POU2F3: variants seen among roughly 807,000 people sequenced by gnomAD.
POU2F3 encodes POU class 2 homeobox 3, also known as POU domain, class 2, transcription factor 3.
Under a neutral mutation model 59.2 loss-of-function variants are expected in POU2F3, and 23 were observed. The observed-to-expected ratio is 0.39, with a 90% CI of 0.28 to 0.55. POU2F3 has a LOEUF of 0.55. Ranked by LOEUF, POU2F3 falls within the 20% of genes least tolerant of loss-of-function variation. The pLI, the probability that POU2F3 is intolerant of heterozygous loss-of-function variation, is 0.66. For missense variants in POU2F3, 473 were observed against 544.5 expected (o/e 0.87, Z 1.31); for synonymous variants, 190 against 214.6 (o/e 0.89, Z 1.00).
At position 120,305,634 on chromosome 11, in the gene POU2F3, C is replaced by G. The variant is rs767891902; in HGVS notation, c.628-10C>G. 1 of 1,613,302 alleles carries G rather than the reference C, an allele frequency of 6.2e-7. No individual in the cohort carries two copies. The highest frequency in any genetic ancestry group is 1.3e-5 in the African/African-American group (1 of 74,878). On this transcript the variant is annotated splice_polypyrimidine_tract_variant and intron_variant, in intron 7 of 12. Transcript: ENST00000543440. ...CTCTCATGTTCCTCCCCCTCGGTCC[C>G]CACGCTTAGGGAGATGTGGGGCTGG...
intron 2 of POU2F3, among the ~76,000 whole-genome samples, chr11:120,260,083 C>T (rs1214032735): frequency 5.9e-5 from 9 of 152,250 alleles, no homozygotes; most frequent in Admixed American, 2.0e-4. Flanking sequence ...GAAAGTAGAG[C>T]TGGTGAGAAG....
upstream of POU2F3, chr11:120,236,795 C>A (rs773891791): frequency 1.3e-4 from 165 of 1,291,554 alleles, no homozygotes; most frequent in Non-Finnish European, 1.7e-4. Context: ...AAAGATTGCT[C>A]ACCATTCCCC....
intron 2 of POU2F3, among the ~76,000 whole-genome samples, chr11:120,266,582 G>A (rs967604104): frequency 3.9e-5 from 6 of 152,150 alleles, no homozygotes; most frequent in South Asian, 4.2e-4. Context: ...GTCCCTCAGC[G>A]TGCAAGCCTG....
chr11:120,296,923 AT>A (rs1013407991), intron 3 of POU2F3, among the ~76,000 whole-genome samples: 1 of 152,124 alleles, frequency 6.6e-6, no homozygotes, highest in Non-Finnish European at 1.5e-5. Flanking sequence ...CCAAAGCACC[AT>A]TTTTTTCCGC....
intron 3 of POU2F3, among the ~76,000 whole-genome samples, chr11:120,282,451 T>C (rs1450450438): frequency 1.3e-5 from 2 of 151,528 alleles, no homozygotes; most frequent in African/African-American, 4.9e-5. Flanking sequence ...AGGCTAGGAG[T>C]TCAAGACCAG....
intron 2 of POU2F3, among the ~76,000 whole-genome samples, chr11:120,261,703 C>G (rs1939610709): frequency 6.6e-6 from 1 of 152,184 alleles, no homozygotes; most frequent in Non-Finnish European, 1.5e-5. Context: ...CCCTGTGCCT[C>G]TCTTTGCAGA....
intron 2 of POU2F3, among the ~76,000 whole-genome samples, chr11:120,266,717 T>C (rs1054652312): frequency 2.0e-5 from 3 of 152,190 alleles, no homozygotes; most frequent in Admixed American, 6.5e-5. Flanking sequence ...GGTCATCCTG[T>C]TTCTGATCAG....
At position 120,288,133 on chromosome 11, in the gene POU2F3, A is replaced by C. The variant is rs1303987246; in HGVS notation, c.133-10132A>C. Among the ~76,000 whole-genome samples the C allele has an allele frequency of 1.5e-4, 22 of 146,050 alleles. No homozygotes were observed. In the East Asian group the frequency reaches 4.3e-3, roughly 28 times the overall value. On this transcript the variant is annotated intron_variant, in intron 3 of 12. Transcript: ENST00000543440. Reference sequence around the variant, plus strand: ...AAGAAAACAAACAAAAAAACCAAAAAAAAAAAAAAAAAAAACAAGAAAAAA... The same window carrying C: ...AAGAAAACAAACAAAAAAACCAAAACAAAAAAAAAAAAAAACAAGAAAAAA...
intron 10 of POU2F3, among the ~76,000 whole-genome samples, 193 bp from the exon 11 acceptor site, chr11:120,315,168 G>A (rs1332587251): frequency 6.6e-6 from 1 of 152,222 alleles, no homozygotes; most frequent in African/African-American, 2.4e-5. Flanking sequence ...GGGCAGACTG[G>A]ACCTGGTTCT....
At chr11:120,237,667 C>T (rs1212372868), upstream of POU2F3, among the ~76,000 whole-genome samples, 1 of 152,068 alleles carries the variant, frequency 6.6e-6, no homozygotes, top group Non-Finnish European at 1.5e-5. Context: ...AAATAATATG[C>T]AAATAGAGAT....
intron 6 of POU2F3, among the ~76,000 whole-genome samples, chr11:120,304,600 T>C (rs1302343483): frequency 1.3e-5 from 2 of 151,440 alleles, no homozygotes; most frequent in African/African-American, 4.8e-5. Context: ...TTACCTGCTT[T>C]ATGGAAAAAA....
Position 120,299,714 on chromosome 11 carries a change from C to T in POU2F3, c.349C>T (p.Pro117Ser). Residue 117 changes from proline (P) to serine (S), a missense_variant, in exon 5 of 13, where the codon CCT (proline) becomes TCT (serine). Coordinates refer to ENST00000543440, the MANE Select transcript of POU2F3 (RefSeq NM_014352.4). ...CCAGTTCCTGCTATCTCAGACCCAG[C>T]CTGGGCAGCAAGGTAAGAACCCTGG... ...VSQFLLSQTQ[P>S]GQQGLQPNLL... 1 of 1,612,480 alleles carries T rather than the reference C, an allele frequency of 6.2e-7. No individual in the cohort carries two copies.
intron 3 of POU2F3, among the ~76,000 whole-genome samples, chr11:120,282,070 G>A (rs917059710): frequency 1.3e-5 from 2 of 152,158 alleles, no homozygotes; most frequent in Non-Finnish European, 2.9e-5. Context: ...TTTGCCCTTG[G>A]AAGGCTCTGA....
intron 2 of POU2F3, among the ~76,000 whole-genome samples, chr11:120,263,381 A>G (rs1409783497): frequency 6.6e-6 from 1 of 152,242 alleles, no homozygotes; most frequent in African/African-American, 2.4e-5. Context: ...AGGACTTTGT[A>G]TTTATTCCTG....
chr11:120,241,810 G>A (rs1024533715), intron 1 of POU2F3, among the ~76,000 whole-genome samples: 2 of 152,096 alleles, frequency 1.3e-5, no homozygotes, highest in Non-Finnish European at 2.9e-5. Flanking sequence ...AAGTGGGAGG[G>A]GGTGGGACAG....
intron 2 of POU2F3, among the ~76,000 whole-genome samples, chr11:120,264,233 A>AC (rs1939730065): frequency 1.4e-5 from 2 of 146,786 alleles, no homozygotes; most frequent in African/African-American, 2.5e-5. Context: ...ACACACACAC[A>AC]ATTAGCTGAG....
At chr11:120,305,420 G>T in intron 7 of POU2F3, 1 of 890,098 alleles carries the variant, frequency 1.1e-6, no homozygotes, top group Non-Finnish European at 1.7e-6. Context: ...GTGGAAAAGG[G>T]GCTGGCTCTC....
At chr11:120,236,715 A>C (rs1167524289), upstream of POU2F3, 19 of 1,482,752 alleles carry the variant, frequency 1.3e-5, no homozygotes, top group Non-Finnish European at 1.7e-5. Context: ...GGGGTAAAGG[A>C]GTTCTCTACG....
In POU2F3 at chr11:120,240,340, C is replaced by T; in HGVS notation, c.-4C>T. The T allele has an allele frequency of 7.1e-7, 1 of 1,410,160 alleles. No individual in the cohort carries two copies. Among genetic ancestry groups the T allele is most frequent in the Non-Finnish European group, 9.3e-7 (1 of 1,070,822 alleles). 87.4% of individuals were successfully genotyped at this position (1,410,160 alleles called of 1,614,324 possible). A position where few individuals can be genotyped will look rare whatever the true frequency, so the allele number is the denominator to read the frequency against. On this transcript the variant is annotated 5_prime_UTR_variant, in exon 1 of 13. Transcript: ENST00000543440. ...GCGCTGGCTTTGGCCCCGCCTGGGG[C>T]AGGATGGTGAATCTGGAGTCCATGC...
Sources: allele counts gnomAD v4.1 joint callset (sites outside exome capture counted in the v4.1 genomes callset), GRCh38; gene constraint gnomAD v4.1.1; transcripts MANE v1.5; gene names NCBI Gene and HGNC (gene_info 2026-07-23, HGNC 2026-07-21).